The following AGBL4 variants were observed in gnomAD, a reference collection of about 807,000 sequenced individuals.
AGBL4 encodes the protein AGBL carboxypeptidase 4, also known as cytosolic carboxypeptidase 6.
A neutral mutation model predicts 66.4 loss-of-function variants in AGBL4; 58 were observed. The ratio of observed to expected loss-of-function variants is 0.87; its 90% confidence interval spans 0.71 to 1.09. The LOEUF is 1.09. Among genes scored for constraint, AGBL4 ranks in the 50% least tolerant of loss-of-function variants. The probability of loss-of-function intolerance (pLI) is 0.00; values close to 1 mark genes in which losing one functional copy is unlikely to be tolerated. For synonymous variants in AGBL4, 234 were observed against 222.9 expected (o/e 1.05, Z -0.44); for missense variants, 579 against 631.0 (o/e 0.92, Z 0.88).
chr1:48,802,814 C>T (rs924018360), intron 6 of AGBL4, among the ~76,000 whole-genome samples: 1 of 152,224 alleles, frequency 6.6e-6, no homozygotes, highest in Non-Finnish European at 1.5e-5. Context: ...TTTAATTTCA[C>T]TTCATACTTG....
intron 6 of AGBL4, among the ~76,000 whole-genome samples, chr1:48,779,239 G>A (rs1008723419): frequency 3.3e-5 from 5 of 152,258 alleles, no homozygotes; most frequent in Admixed American, 3.3e-4. Flanking sequence ...GCATCTAAAT[G>A]GGGGTGACCA....
At chr1:48,676,984 T>A (rs1413779263) in intron 6 of AGBL4, among the ~76,000 whole-genome samples, 1 of 152,066 alleles carries the variant, frequency 6.6e-6, no homozygotes, top group Non-Finnish European at 1.5e-5. Context: ...GGCTCTCTGC[T>A]CCCTGGGTCT....
chr1:49,993,636 C>T (rs1272589360), intron 1 of AGBL4, among the ~76,000 whole-genome samples: 1 of 152,116 alleles, frequency 6.6e-6, no homozygotes, highest in Non-Finnish European at 1.5e-5. Flanking sequence ...ATTAGGCTTG[C>T]TAATATCATG....
At chr1:49,223,834 A>G (rs888255690) in intron 4 of AGBL4, among the ~76,000 whole-genome samples, 53 of 152,200 alleles carry the variant, frequency 3.5e-4, no homozygotes, top group African/African-American at 1.1e-3. Context: ...AGCCCTTTCT[A>G]TCTTTCTTCT....
chr1:48,851,055 GT>G (rs1201401614), intron 6 of AGBL4, among the ~76,000 whole-genome samples: 1 of 152,206 alleles, frequency 6.6e-6, no homozygotes, highest in Non-Finnish European at 1.5e-5. Context: ...CCATTGTAAT[GT>G]GCTATATGAA....
chr1:49,426,404 T>A (rs1284395987), intron 3 of AGBL4, among the ~76,000 whole-genome samples: 1 of 152,206 alleles, frequency 6.6e-6, no homozygotes, highest in Admixed American at 6.5e-5. Context: ...ATTCTGGCCC[T>A]TTCTCCATTT....
At chr1:48,527,131 C>T in the AGBL4 span, among the ~76,000 whole-genome samples, 1 of 152,050 alleles carries the variant, frequency 6.6e-6, no homozygotes, top group Non-Finnish European at 1.5e-5. Context: ...ATAGAATTTT[C>T]GATTTGAGAT....
chr1:49,125,867 C>T (rs1333147054), intron 4 of AGBL4, among the ~76,000 whole-genome samples: 1 of 152,174 alleles, frequency 6.6e-6, no homozygotes, highest in Non-Finnish European at 1.5e-5. Flanking sequence ...TTCTTACTCT[C>T]ATGGCATGGA....
At chr1:49,874,992 C>T (rs1243822888) in intron 1 of AGBL4, among the ~76,000 whole-genome samples, 1 of 109,970 alleles carries the variant, frequency 9.1e-6, no homozygotes, top group African/African-American at 3.6e-5. Flanking sequence ...CACCCCACAA[C>T]AGTCCCCAGA....
chr1:48,706,075 G>A (rs1646876889), intron 6 of AGBL4, among the ~76,000 whole-genome samples: 1 of 152,166 alleles, frequency 6.6e-6, no homozygotes, highest in African/African-American at 2.4e-5. Context: ...CAAAACTGAT[G>A]ATGTGCTTAA....
At chr1:49,959,500 A>G (rs535976373) in intron 1 of AGBL4, among the ~76,000 whole-genome samples, 1 of 152,186 alleles carries the variant, frequency 6.6e-6, no homozygotes, top group South Asian at 2.1e-4. Flanking sequence ...AGAATTGAAA[A>G]TGTGCAACTA....
chr1:49,883,328 T>G (rs979103533), intron 1 of AGBL4, among the ~76,000 whole-genome samples: 2 of 152,110 alleles, frequency 1.3e-5, no homozygotes, highest in Non-Finnish European at 1.5e-5. Context: ...CTACCCAACC[T>G]GTAGACGTGC....
At chr1:49,469,080 T>G (rs1646687545) in intron 3 of AGBL4, among the ~76,000 whole-genome samples, 1 of 151,822 alleles carries the variant, frequency 6.6e-6, no homozygotes, top group Admixed American at 6.6e-5. Flanking sequence ...GTTTATACAT[T>G]TCCCTTTTCA....
chr1:49,151,870 C>T (rs1646342805), intron 4 of AGBL4, among the ~76,000 whole-genome samples: 2 of 152,022 alleles, frequency 1.3e-5, no homozygotes, highest in South Asian at 4.1e-4. Context: ...CTATTAACAT[C>T]TATTTCCCAG....
intron 3 of AGBL4, among the ~76,000 whole-genome samples, chr1:49,566,335 G>T (rs1015587338): frequency 1.3e-5 from 2 of 152,176 alleles, no homozygotes; most frequent in Non-Finnish European, 2.9e-5. Context: ...TTGTTCCGTT[G>T]CTGGTGAGGA....
chr1:49,034,393 A>G (rs1474049502), intron 5 of AGBL4, among the ~76,000 whole-genome samples: 1 of 152,154 alleles, frequency 6.6e-6, no homozygotes, highest in Non-Finnish European at 1.5e-5. Context: ...CCAGAGATTG[A>G]TATAAAACTG....
chr1:48,733,496 A>G (rs538305645), intron 6 of AGBL4, among the ~76,000 whole-genome samples: 1 of 152,302 alleles, frequency 6.6e-6, no homozygotes, highest in African/African-American at 2.4e-5. Context: ...CATATTTGGA[A>G]AAAGTAAAAA....
At chr1:49,050,383 A>G (rs1056796409) in intron 4 of AGBL4, among the ~76,000 whole-genome samples, 1 of 152,078 alleles carries the variant, frequency 6.6e-6, no homozygotes, top group Non-Finnish European at 1.5e-5. Context: ...CCACTATGAG[A>G]TTGAGCTCTC....
rs561478256 is a variant in AGBL4, at chr1:49,959,082, G to C, written c.34+64681C>G. 2.0e-5 allele frequency among the ~76,000 whole-genome samples: 3 copies of C among 151,686 alleles called. No individual in the cohort carries two copies. The East Asian group carries it at 5.9e-4, about 30-fold the overall frequency. On this transcript the variant is annotated intron_variant, in intron 1 of 13. Coordinates refer to ENST00000371839, the MANE Select transcript of AGBL4 (RefSeq NM_032785.4). ...CCTGACTAGTTATTGGGTATCAAGA[G>C]AGAGGCAAGCAAAGCAAATAAAGGA...
Sources: allele counts gnomAD v4.1 joint callset (sites outside exome capture counted in the v4.1 genomes callset), GRCh38; gene constraint gnomAD v4.1.1; transcripts MANE v1.5; gene names NCBI Gene and HGNC (gene_info 2026-07-23, HGNC 2026-07-21).